RPS6KA2: variants seen among roughly 807,000 people sequenced by gnomAD.
The protein encoded by RPS6KA2 is ribosomal protein S6 kinase A2, also known as ribosomal protein S6 kinase alpha-2.
A neutral mutation model predicts 91.8 loss-of-function variants in RPS6KA2; 42 were observed. The ratio of observed to expected loss-of-function variants is 0.46; its 90% confidence interval spans 0.36 to 0.59. The LOEUF is 0.59. Ranked by LOEUF, RPS6KA2 falls within the 20% of genes least tolerant of loss-of-function variation. The pLI, the probability that RPS6KA2 is intolerant of heterozygous loss-of-function variation, is 0.00. For synonymous variants in RPS6KA2, 414 were observed against 393.6 expected, an observed-to-expected ratio of 1.05 and a Z score of -0.61; for missense variants, 798 against 978.5, an observed-to-expected ratio of 0.82 and a Z score of 2.46.
chr6:166,711,185 G>A (rs1228764039), intron 2 of RPS6KA2, among the ~76,000 whole-genome samples: 1 of 151,036 alleles, frequency 6.6e-6, no homozygotes, highest in Non-Finnish European at 1.5e-5. Flanking sequence ...GAGGGAGCTG[G>A]AGCCTCCACC....
At chr6:166,604,076 C>A (rs1041176237) in intron 1 of RPS6KA2, among the ~76,000 whole-genome samples, 1 of 152,194 alleles carries the variant, frequency 6.6e-6, no homozygotes, top group African/African-American at 2.4e-5. Context: ...TCCTGATTAA[C>A]CCTCCATGGA....
chr6:166,734,033 A>C (rs1049560320), intron 2 of RPS6KA2, among the ~76,000 whole-genome samples: 3 of 152,216 alleles, frequency 2.0e-5, no homozygotes, highest in Admixed American at 6.5e-5. Context: ...AGAGGGAGGC[A>C]GGAAGTTGAG....
chr6:166,623,087 A>G (rs927378133), intron 1 of RPS6KA2, among the ~76,000 whole-genome samples: 4 of 152,136 alleles, frequency 2.6e-5, no homozygotes, highest in Admixed American at 2.6e-4. Context: ...TTCCTCATTC[A>G]CTCCCTACTG....
At position 166,500,854 on chromosome 6, in the gene RPS6KA2, A is replaced by C; in HGVS notation, c.604+33T>G. On this transcript the variant is annotated intron_variant, in intron 7 of 20. Transcript: ENST00000265678. The surrounding 1 kb of genome is among the most constrained non-coding windows in gnomAD (Gnocchi z 4.3). The stretch of plus-strand genomic sequence containing the variant: ...CCCAAAGGTACCAGGGCTGAGATGA[A>C]GCCATGGAGGGGGCCTGCCGTCTTT... The C allele has an allele frequency of 6.2e-7, 1 of 1,604,466 alleles. No homozygotes were observed. Among genetic ancestry groups the C allele is most frequent in the South Asian group, 1.1e-5 (1 of 90,790 alleles).
At chr6:166,646,314 GGGACCCCCCT>G (rs1400157291) in intron 2 of RPS6KA2, among the ~76,000 whole-genome samples, 1 of 152,182 alleles carries the variant, frequency 6.6e-6, no homozygotes, top group Non-Finnish European at 1.5e-5. Context: ...CCAGGTAGCA[GGGACCCCCCT>G]GGACCCACAC....
chr6:166,562,965 G>A (rs1008593720), intron 1 of RPS6KA2, among the ~76,000 whole-genome samples: 4 of 152,216 alleles, frequency 2.6e-5, no homozygotes, highest in Non-Finnish European at 5.9e-5. Flanking sequence ...CGCCCCGGCG[G>A]GACAGACTGA....
intron 2 of RPS6KA2, among the ~76,000 whole-genome samples, chr6:166,844,264 C>T (rs1205306630): frequency 1.3e-5 from 2 of 152,098 alleles, no homozygotes; most frequent in Non-Finnish European, 2.9e-5. Context: ...CTCCAAGAAG[C>T]TTGGGATTGT....
chr6:166,813,878 A>G (rs1281779032), intron 2 of RPS6KA2, among the ~76,000 whole-genome samples: 1 of 152,288 alleles, frequency 6.6e-6, no homozygotes, highest in Non-Finnish European at 1.5e-5. Flanking sequence ...GATAGACTAG[A>G]TTTTTGCTCT....
At chr6:166,760,170 AG>A (rs1778128429) in intron 2 of RPS6KA2, among the ~76,000 whole-genome samples, 1 of 152,238 alleles carries the variant, frequency 6.6e-6, no homozygotes, top group African/African-American at 2.4e-5. Flanking sequence ...TAGCTCATGT[AG>A]GGCAATGTTC....
At chr6:166,464,457 C>G (rs1355351198) in intron 11 of RPS6KA2, among the ~76,000 whole-genome samples, 1 of 152,200 alleles carries the variant, frequency 6.6e-6, no homozygotes, top group Admixed American at 6.5e-5. Flanking sequence ...CAGTGCAATA[C>G]TAAGGGTCTA....
intron 2 of RPS6KA2, among the ~76,000 whole-genome samples, chr6:166,800,106 A>T (rs1025529655): frequency 4.6e-5 from 7 of 152,240 alleles, no homozygotes; most frequent in Admixed American, 3.3e-4. Flanking sequence ...AATCCTGGAA[A>T]ATAGATCACT....
chr6:166,707,724 ATCTT>A (rs891898111), intron 2 of RPS6KA2, among the ~76,000 whole-genome samples: 5 of 151,972 alleles, frequency 3.3e-5, no homozygotes, highest in Admixed American at 6.6e-5. Context: ...TCAGAGAGTA[ATCTT>A]TCTTTCTTTC....
At chr6:166,421,399 G>T (rs922071046) in intron 17 of RPS6KA2, among the ~76,000 whole-genome samples, 1 of 152,212 alleles carries the variant, frequency 6.6e-6, no homozygotes, top group African/African-American at 2.4e-5. Flanking sequence ...AGCAGCAGAT[G>T]CAGGAGAGCT....
At chr6:166,545,586 C>A (rs940532908) in intron 1 of RPS6KA2, among the ~76,000 whole-genome samples, 4 of 152,082 alleles carry the variant, frequency 2.6e-5, no homozygotes, top group African/African-American at 9.7e-5. Context: ...CTCTTTCTAT[C>A]CAAACTTGCC....
intron 14 of RPS6KA2, among the ~76,000 whole-genome samples, chr6:166,436,025 T>C (rs1432478137): frequency 2.6e-5 from 4 of 152,170 alleles, no homozygotes; most frequent in Admixed American, 2.6e-4. Flanking sequence ...CACCAGGCAC[T>C]CCTCTGGCTC....
chr6:166,788,635 A>G (rs1259343217), intron 2 of RPS6KA2, among the ~76,000 whole-genome samples: 3 of 152,174 alleles, frequency 2.0e-5, no homozygotes, highest in Non-Finnish European at 4.4e-5. Context: ...GAGCTGAACA[A>G]TGAGACCACT....
chr6:166,458,022 G>A (rs145666036), intron 12 of RPS6KA2, among the ~76,000 whole-genome samples: 5 of 152,318 alleles, frequency 3.3e-5, no homozygotes, highest in African/African-American at 1.2e-4. Flanking sequence ...AGGAGCTTGT[G>A]GATGGTTTTG....
rs760779515 is a variant in RPS6KA2, at chr6:166,821,954, C to T, written c.123+36246G>A. Among the ~76,000 whole-genome samples the T allele has an allele frequency of 7.9e-5, 12 of 152,156 alleles. No individual in the cohort carries two copies. The highest frequency in any genetic ancestry group is 1.8e-4 in the Non-Finnish European group (12 of 68,036). On this transcript the variant is annotated intron_variant, in intron 2 of 21. Coordinates refer to the RPS6KA2 transcript ENST00000503859. The surrounding 1 kb of genome is among the most constrained non-coding windows in gnomAD (Gnocchi z 4.1). ...TGGGCACCATCCTGAATCCCTCTCC[C>T]TCAGCCTCCCATCAAATGCGTTGGC...
chr6:166,807,760 G>A (rs1779527967), intron 2 of RPS6KA2, among the ~76,000 whole-genome samples: 1 of 152,106 alleles, frequency 6.6e-6, no homozygotes, highest in African/African-American at 2.4e-5. Flanking sequence ...CCTGAGCTCA[G>A]GTGGCTGCAG....
Sources: allele counts gnomAD v4.1 joint callset (sites outside exome capture counted in the v4.1 genomes callset), GRCh38; gene constraint gnomAD v4.1.1; non-coding constraint Gnocchi (gnomAD v3.1); transcripts MANE v1.5; gene names NCBI Gene and HGNC (gene_info 2026-07-23, HGNC 2026-07-21).